The following GRID2 variants were observed in gnomAD, a reference collection of about 807,000 sequenced individuals.
GRID2 encodes glutamate receptor ionotropic, delta-2.
In GRID2, 33 loss-of-function variants were observed where a neutral mutation model predicts 114.8. That is an observed-to-expected ratio of 0.29 (90% CI 0.22 to 0.38). GRID2 has a LOEUF of 0.38. Among genes scored for constraint, GRID2 ranks in the 10% least tolerant of loss-of-function variants. GRID2 has a pLI of 1.00. For synonymous variants in GRID2, 505 were observed against 449.9 expected (o/e 1.12, Z -1.55); for missense variants, 1,184 against 1,257.7 (o/e 0.94, Z 0.89).
At chr4:93,088,362 G>A (rs911328301) in intron 3 of GRID2, among the ~76,000 whole-genome samples, 1 of 152,102 alleles carries the variant, frequency 6.6e-6, no homozygotes, top group Admixed American at 6.6e-5. Context: ...TTGCTCACTT[G>A]CTCAGTGCAA....
At chr4:92,371,305 C>T (rs746886560) in intron 1 of GRID2, among the ~76,000 whole-genome samples, 3 of 152,138 alleles carry the variant, frequency 2.0e-5, no homozygotes, top group Non-Finnish European at 4.4e-5. Context: ...CAAACATCTT[C>T]CTATTGGAAG....
At position 93,593,607 on chromosome 4, in the gene GRID2, G is replaced by T. The variant is rs372111995; in HGVS notation, c.2194-32662G>T. Among the ~76,000 whole-genome samples the T allele has an allele frequency of 1.3e-5, 2 of 150,024 alleles. 1 individual carries two copies. Among genetic ancestry groups the T allele is most frequent in the East Asian group, 4.0e-4 (2 of 5,054 alleles). ...CTGAATCTGAACGTTGGCCTGCCTT[G>T]CTAGATTGGGGAAATTCTCCAGGAT... is the stretch of plus-strand genomic sequence containing the variant. On this transcript the variant is annotated intron_variant, in intron 13 of 15. Coordinates refer to ENST00000282020, the MANE Select transcript of GRID2 (RefSeq NM_001510.4).
intron 2 of GRID2, among the ~76,000 whole-genome samples, chr4:92,636,920 A>G (rs1174164383): frequency 1.3e-5 from 2 of 151,956 alleles, no homozygotes; most frequent in Non-Finnish European, 1.5e-5. Context: ...TTGGTAGTTT[A>G]TAAGCCTGAG....
At chr4:92,826,390 C>T (rs546598733) in intron 2 of GRID2, among the ~76,000 whole-genome samples, 3 of 152,138 alleles carry the variant, frequency 2.0e-5, no homozygotes, top group Admixed American at 6.6e-5. Context: ...ACCAGCAATC[C>T]CTAACACACC....
At chr4:92,649,039 T>TATATATATATA (rs1553912255) in intron 2 of GRID2, among the ~76,000 whole-genome samples, 2 of 54 alleles carry the variant, frequency 0.037, no homozygotes, top group Admixed American at 0.5. Context: ...CAAATATATA[T>TATATATATATA]ATATATATAT....
At chr4:92,736,888 T>C (rs1181541602) in intron 2 of GRID2, among the ~76,000 whole-genome samples, 2 of 152,090 alleles carry the variant, frequency 1.3e-5, no homozygotes, top group Non-Finnish European at 2.9e-5. Context: ...GAAAGAATTC[T>C]AAAATACATC....
intron 14 of GRID2, among the ~76,000 whole-genome samples, chr4:93,703,267 G>A (rs1727668293): frequency 6.6e-6 from 1 of 151,944 alleles, no homozygotes; most frequent in Admixed American, 6.6e-5. Flanking sequence ...ATTAAATTTT[G>A]GGGGTATATA....
At chr4:92,983,397 T>A (rs1259159226) in intron 2 of GRID2, among the ~76,000 whole-genome samples, 2 of 152,064 alleles carry the variant, frequency 1.3e-5, no homozygotes, top group Non-Finnish European at 2.9e-5. Flanking sequence ...ACCCTCATGA[T>A]CTATTCAGCT....
intron 2 of GRID2, among the ~76,000 whole-genome samples, chr4:92,853,383 TTGTA>T (rs1241224257): frequency 2.6e-5 from 4 of 152,042 alleles, no homozygotes; most frequent in Non-Finnish European, 5.9e-5. Flanking sequence ...GGTATTTCCT[TTGTA>T]TGAAGATTTT....
At chr4:92,800,390 A>T (rs772308018) in intron 2 of GRID2, among the ~76,000 whole-genome samples, 2 of 151,986 alleles carry the variant, frequency 1.3e-5, no homozygotes, top group Non-Finnish European at 2.9e-5. Context: ...GATAAGAAAT[A>T]AAAATATTGA....
chr4:93,126,771 G>T (rs1734316508), intron 4 of GRID2, among the ~76,000 whole-genome samples: 1 of 150,630 alleles, frequency 6.6e-6, no homozygotes, highest in African/African-American at 2.4e-5. Context: ...CTAATTTTTT[G>T]TATTTTTAGT....
chr4:93,543,661 T>A, intron 13 of GRID2, among the ~76,000 whole-genome samples: 1 of 140,572 alleles, frequency 7.1e-6, no homozygotes, highest in South Asian at 2.3e-4. Flanking sequence ...GGCAAGGGAG[T>A]GAGAGCAAGA....
At chr4:92,792,500 CACACT>C (rs1739641715) in intron 2 of GRID2, among the ~76,000 whole-genome samples, 1 of 147,402 alleles carries the variant, frequency 6.8e-6, no homozygotes, top group South Asian at 2.1e-4. Context: ...CACACACACA[CACACT>C]GTCACTCTCT....
intron 2 of GRID2, among the ~76,000 whole-genome samples, chr4:92,922,918 C>T (rs570563182): frequency 4.6e-4 from 70 of 152,160 alleles, no homozygotes; most frequent in Admixed American, 2.0e-4. Context: ...GGAGACACAA[C>T]GGAGGCTCTA....
intron 1 of GRID2, among the ~76,000 whole-genome samples, chr4:92,315,993 C>CAAAAAAAAAAAAAAAAAAAAAAAAAAAGA (rs778361565): frequency 1.9e-4 from 12 of 61,894 alleles, no homozygotes; most frequent in Non-Finnish European, 2.5e-4. Context: ...AAACAAAAAG[C>CAAAAAAAAAAAAAAAAAAAAAAAAAAAGA]AAAAAAAAAA....
At chr4:93,600,707 T>A (rs1739587674) in intron 13 of GRID2, among the ~76,000 whole-genome samples, 1 of 152,156 alleles carries the variant, frequency 6.6e-6, no homozygotes, top group Admixed American at 6.6e-5. Context: ...GCAGTTCCAA[T>A]CTCAGGTATT....
chr4:92,427,274 A>G (rs961270534), intron 1 of GRID2, among the ~76,000 whole-genome samples: 1 of 152,110 alleles, frequency 6.6e-6, no homozygotes, highest in South Asian at 2.1e-4. Flanking sequence ...TTTAGACGAC[A>G]TTCTTGATCT....
At chr4:93,085,362 G>A (rs1730237443) in intron 3 of GRID2, 83 bp downstream of exon 3, 1 of 1,034,838 alleles carries the variant, frequency 9.7e-7, no homozygotes, top group Non-Finnish European at 1.5e-6. Context: ...AGTTTCAAGG[G>A]TCTTACTCAT....
At chr4:93,021,822 TATATA>T (rs970537956) in intron 2 of GRID2, among the ~76,000 whole-genome samples, 1 of 146,750 alleles carries the variant, frequency 6.8e-6, no homozygotes, top group Non-Finnish European at 1.5e-5. Context: ...TTAATATACT[TATATA>T]ATAAATATTA....
Sources: gnomAD v4.1 joint callset for allele counts (sites outside exome capture counted in the v4.1 genomes callset) on GRCh38, gnomAD v4.1.1 for gene constraint, MANE v1.5 for transcripts, NCBI Gene and HGNC (gene_info 2026-07-23, HGNC 2026-07-21) for gene names.